The following N4BP2 variants were observed in gnomAD, a reference collection of about 807,000 sequenced individuals.
N4BP2 encodes NEDD4-binding protein 2.
A neutral mutation model predicts 152.8 loss-of-function variants in N4BP2; 91 were observed. The observed-to-expected ratio is 0.60, with a 90% CI of 0.50 to 0.71. N4BP2 has a LOEUF of 0.71. N4BP2 is among the 30% of genes least tolerant of loss of function. The pLI is 0.00. For missense variants in N4BP2, 1,923 were observed against 2,059.1 expected (o/e 0.93, Z 1.28); for synonymous variants, 646 against 705.3 (o/e 0.92, Z 1.33).
intron 14 of N4BP2, among the ~76,000 whole-genome samples, chr4:40,141,459 G>A (rs1170247181): frequency 3.3e-5 from 5 of 151,408 alleles, no homozygotes; most frequent in African/African-American, 9.7e-5. Context: ...GGGCGGCGGG[G>A]CAGAGGCGCT....
At chr4:40,070,342 C>T (rs191123644) in intron 1 of N4BP2, among the ~76,000 whole-genome samples, 6 of 152,242 alleles carry the variant, frequency 3.9e-5, no homozygotes, top group East Asian at 1.9e-4. Context: ...TATAAGAAGA[C>T]GTATATCTTC....
In N4BP2 at chr4:40,100,591, C is replaced by T. The variant is rs539404459; in HGVS notation, c.230-1484C>T. ...TTTTCCATGTTGCCCAGGCTGGTCT[C>T]GAACTCCTGGGCTCAAGCGATCTAC... On this transcript the variant is annotated intron_variant, in intron 3 of 17. Transcript: ENST00000261435. 2.0e-5 allele frequency among the ~76,000 whole-genome samples: 3 copies of T among 152,116 alleles called. No individual in the cohort carries two copies. The East Asian group carries it at 5.8e-4, about 29-fold the overall frequency.
chr4:40,188,364 T>C, the N4BP2 span, among the ~76,000 whole-genome samples: 1 of 152,232 alleles, frequency 6.6e-6, no homozygotes, highest in Non-Finnish European at 1.5e-5. Flanking sequence ...AATCTCTCTG[T>C]GCCTCAGTTT....
At chr4:40,088,118 G>A (rs900361571) in intron 2 of N4BP2, among the ~76,000 whole-genome samples, 1 of 152,164 alleles carries the variant, frequency 6.6e-6, no homozygotes, top group Non-Finnish European at 1.5e-5. Context: ...GTATGCATCA[G>A]TAATATGTTT....
chr4:40,119,313 A>C (rs1579069105), intron 8 of N4BP2, among the ~76,000 whole-genome samples: 1 of 152,342 alleles, frequency 6.6e-6, no homozygotes, highest in East Asian at 1.9e-4. Flanking sequence ...AAGTTAAAAA[A>C]AAGAGGAAAT....
the N4BP2 span, among the ~76,000 whole-genome samples, chr4:40,184,743 A>G: frequency 6.6e-6 from 1 of 152,026 alleles, no homozygotes; most frequent in African/African-American, 2.4e-5. Context: ...ATCATCAAAG[A>G]TCAGGAGTTC....
chr4:40,102,375 G>A lies in N4BP2; in HGVS notation c.530G>A (p.Ser177Asn), dbSNP rs371161111. ...GATGTTAATAGTTTTAATGACTCAA[G>A]TGAGTTTATAAATCCTGATTCAAGT... is the stretch of plus-strand genomic sequence containing the variant. ...SQDVNSFNDSSEFINPDSSNM... is the reference protein window; with the variant it reads ...SQDVNSFNDSNEFINPDSSNM... Residue 177 changes from serine (S) to asparagine (N), a missense_variant, in exon 4 of 18, where the codon AGT (serine) becomes AAT (asparagine). By Grantham distance (46) the Ser-to-Asn change is conservative. Coordinates refer to ENST00000261435, the MANE Select transcript of N4BP2 (RefSeq NM_018177.6). 2.7e-5 allele frequency: 43 copies of A among 1,612,728 alleles called. No homozygotes were observed. The African/African-American group carries it at 4.4e-4, about 17-fold the overall frequency.
chr4:40,066,361 C>T lies in N4BP2; in HGVS notation c.-211-7094C>T, dbSNP rs540612208. ...TGAGACAGTGTCTCACTTTGTTGCT[C>T]AGGCTGAAGTGCAGTGGCATGATCT... On this transcript the variant is annotated intron_variant, in intron 1 of 17. Coordinates refer to ENST00000261435, the MANE Select transcript of N4BP2 (RefSeq NM_018177.6). 2.9e-3 allele frequency among the ~76,000 whole-genome samples: 403 copies of T among 140,154 alleles called. 5 individuals carry two copies. Among genetic ancestry groups the T allele is most frequent in the African/African-American group, 0.01 (380 of 37,444 alleles). The allele number at this position is 140,154 out of a possible 152,430, so 91.9% of individuals were successfully genotyped here.
intron 2 of N4BP2, among the ~76,000 whole-genome samples, chr4:40,080,691 G>A (rs377395360): frequency 1.3e-5 from 2 of 149,748 alleles, no homozygotes; most frequent in South Asian, 2.1e-4. Context: ...TGTTGAGATG[G>A]AATCTCGCCC....
chr4:40,076,018 T>C (rs974042084), intron 2 of N4BP2, among the ~76,000 whole-genome samples: 1 of 151,902 alleles, frequency 6.6e-6, no homozygotes, highest in Non-Finnish European at 1.5e-5. Context: ...CAGAGATGTG[T>C]TCTCCCTATG....
intron 16 of N4BP2, among the ~76,000 whole-genome samples, chr4:40,152,232 G>T (rs1056085474): frequency 6.6e-6 from 1 of 152,176 alleles, no homozygotes; most frequent in Non-Finnish European, 1.5e-5. Flanking sequence ...TAAACTAGTT[G>T]CTATCATTAT....
At chr4:40,180,879 C>T in the N4BP2 span, among the ~76,000 whole-genome samples, 3 of 152,134 alleles carry the variant, frequency 2.0e-5, no homozygotes, top group Non-Finnish European at 2.9e-5. Context: ...AGGCCAGGCA[C>T]GGTGGCTCAC....
At chr4:40,114,451 A>G (rs973453125) in intron 7 of N4BP2, among the ~76,000 whole-genome samples, 2 of 152,152 alleles carry the variant, frequency 1.3e-5, no homozygotes, top group Admixed American at 6.5e-5. Flanking sequence ...CCTGTTGCGT[A>G]TACTGCATAT....
In N4BP2 at chr4:40,154,260, G is replaced by T. The variant is rs1721423325; in HGVS notation, c.*23G>T. 1 of 1,547,572 alleles carries T rather than the reference G, an allele frequency of 6.5e-7. No homozygotes were observed. The highest frequency in any genetic ancestry group is 8.8e-7 in the Non-Finnish European group (1 of 1,132,176). ...TAAAATAAACATCCTTGAATTAGAA[G>T]TATGAAGGTTTGTAGGTTAAAATTA... On this transcript the variant is annotated 3_prime_UTR_variant, in exon 18 of 18. Transcript: ENST00000261435.
At chr4:40,178,426 CAA>C in the N4BP2 span, among the ~76,000 whole-genome samples, 14 of 148,880 alleles carry the variant, frequency 9.4e-5, no homozygotes, top group East Asian at 2.0e-4. Flanking sequence ...GCCACCAAAA[CAA>C]AAAAAAAAAG....
At chr4:40,086,593 C>T (rs1242014255) in intron 2 of N4BP2, among the ~76,000 whole-genome samples, 1 of 151,792 alleles carries the variant, frequency 6.6e-6, no homozygotes, top group Non-Finnish European at 1.5e-5. Context: ...CCGCCTTGGC[C>T]TCCCAAAGTG....
intron 13 of N4BP2, 88 bp from the exon 14 acceptor site, chr4:40,136,856 G>A: frequency 1.0e-6 from 1 of 956,948 alleles, no homozygotes; most frequent in Non-Finnish European, 1.5e-6. Context: ...TCATATTCTT[G>A]TAAGATGTTT....
the N4BP2 span, among the ~76,000 whole-genome samples, chr4:40,182,877 A>T: frequency 6.6e-6 from 1 of 152,002 alleles, no homozygotes; most frequent in Non-Finnish European, 1.5e-5. Flanking sequence ...GGGTTTCACC[A>T]TGTTGGCCAG....
At chr4:40,162,493 A>G (rs928411426), downstream of N4BP2, among the ~76,000 whole-genome samples, 1 of 152,150 alleles carries the variant, frequency 6.6e-6, no homozygotes, top group Non-Finnish European at 1.5e-5. Context: ...GAGGATGAGT[A>G]TCAAATGCTC....
Sources: allele counts gnomAD v4.1 joint callset (sites outside exome capture counted in the v4.1 genomes callset), GRCh38; gene constraint gnomAD v4.1.1; transcripts MANE v1.5; gene names NCBI Gene and HGNC (gene_info 2026-07-23, HGNC 2026-07-21).